Variants in GTF3C5 observed in about 807,000 individuals in gnomAD.
The protein encoded by GTF3C5 is general transcription factor IIIC subunit 5, also known as general transcription factor 3C polypeptide 5.
GTF3C5 carries 47 observed loss-of-function variants against 61.0 expected under a neutral mutation model. That is an observed-to-expected ratio of 0.77 (90% CI 0.61 to 0.98). The LOEUF (loss-of-function observed/expected upper bound fraction) is 0.98, where lower values mean the gene tolerates loss of function less well. GTF3C5 is among the 50% of genes least tolerant of loss of function. GTF3C5 has a pLI of 0.00. For synonymous variants in GTF3C5, 295 were observed against 275.4 expected (o/e 1.07, Z -0.71); for missense variants, 659 against 703.3 (o/e 0.94, Z 0.71).
chr9:133,057,747 G>A (rs1289107465), intron 10 of GTF3C5, 67 bp from the exon 11 acceptor site: 1 of 1,455,552 alleles, frequency 6.9e-7, no homozygotes, highest in Non-Finnish European at 9.2e-7. Flanking sequence ...CCAGAGCCTG[G>A]TGGCCTTTCT....
chr9:133,040,978 A>T (rs1387437918), intron 1 of GTF3C5, among the ~76,000 whole-genome samples: 52 of 152,248 alleles, frequency 3.4e-4, no homozygotes, highest in African/African-American at 2.4e-5. Context: ...ATCATAACCT[A>T]AGAAAAACCA....
intron 1 of GTF3C5, among the ~76,000 whole-genome samples, chr9:133,037,387 C>T (rs1049195925): frequency 2.0e-5 from 3 of 152,118 alleles, no homozygotes; most frequent in African/African-American, 4.8e-5. Flanking sequence ...GATAAGGGGA[C>T]ACACCGGGTT....
intron 1 of GTF3C5, among the ~76,000 whole-genome samples, chr9:133,031,507 A>G (rs1849731377): frequency 6.6e-6 from 1 of 151,984 alleles, no homozygotes; most frequent in African/African-American, 2.4e-5. Flanking sequence ...GCATGCCACC[A>G]CGCCCGGCTA....
At chr9:133,057,664 G>T (rs867973550) in intron 10 of GTF3C5, 150 bp from the exon 11 acceptor site, 2 of 635,744 alleles carry the variant, frequency 3.1e-6, no homozygotes, top group Non-Finnish European at 5.2e-6. Flanking sequence ...TCCCTGGGGG[G>T]CCTCCACCCC....
At chr9:133,050,670 G>T (rs946611471) in intron 3 of GTF3C5, 113 bp from the exon 4 acceptor site, 3 of 713,562 alleles carry the variant, frequency 4.2e-6, no homozygotes, top group Non-Finnish European at 4.8e-6. Context: ...CCAGAGAGAG[G>T]CACACGGTGG....
intron 2 of GTF3C5, 93 bp from the exon 3 acceptor site, chr9:133,043,635 C>A: frequency 9.8e-7 from 1 of 1,021,960 alleles, no homozygotes; most frequent in Non-Finnish European, 1.5e-6. Context: ...ACATGGCCCA[C>A]TCAGCACCTC....
chr9:133,054,368 C>G, intron 6 of GTF3C5, 40 bp from the exon 7 acceptor site: 2 of 1,547,646 alleles, frequency 1.3e-6, no homozygotes, highest in South Asian at 1.1e-5. Flanking sequence ...GCCGACGGGC[C>G]CTGTGCCCGC....
At chr9:133,057,502 C>G (rs563039015) in intron 10 of GTF3C5, among the ~76,000 whole-genome samples, 1 of 152,318 alleles carries the variant, frequency 6.6e-6, no homozygotes, top group South Asian at 2.1e-4. Context: ...TTGCTTGGAA[C>G]CCAGATTCAG....
intron 1 of GTF3C5, among the ~76,000 whole-genome samples, chr9:133,032,308 C>G (rs371610671): frequency 6.6e-6 from 1 of 152,306 alleles, no homozygotes; most frequent in East Asian, 1.9e-4. Context: ...ACCACACAAT[C>G]TAAGCTAATC....
At chr9:133,052,475 C>T (rs925490726) in intron 5 of GTF3C5, among the ~76,000 whole-genome samples, 5 of 151,398 alleles carry the variant, frequency 3.3e-5, no homozygotes, top group African/African-American at 1.2e-4. Flanking sequence ...GTTTCAGCTC[C>T]CTGAGTCCAG....
At chr9:133,057,388 T>TA (rs1829967796) in intron 10 of GTF3C5, among the ~76,000 whole-genome samples, 2 of 152,010 alleles carry the variant, frequency 1.3e-5, no homozygotes, top group African/African-American at 4.8e-5. Context: ...TCGGGGGAGT[T>TA]ATAAGAGGCC....
At position 133,054,716 on chromosome 9, in the gene GTF3C5, C is replaced by T. The variant is rs1304503032; in HGVS notation, c.1074C>T (p.Ser358=). ...ACTGCTGTTGTCCCCACGCAGCCAGCCAGCTTGTCACCATGCATGACCTGA... is the reference window on the plus strand; with the variant it reads ...ACTGCTGTTGTCCCCACGCAGCCAGTCAGCTTGTCACCATGCATGACCTGA... ...SLPITVKKTS[S]QLVTMHDLKQ... is the part of the protein sequence containing the mutation. Residue 358 remains serine, a synonymous_variant, in exon 8 of 11, where the codon AGC becomes AGT. Coordinates refer to ENST00000372097, the MANE Select transcript of GTF3C5 (RefSeq NM_012087.4). The T allele has an allele frequency of 6.4e-7, 1 of 1,568,082 alleles. No homozygotes were observed. Among genetic ancestry groups the T allele is most frequent in the Non-Finnish European group, 8.6e-7 (1 of 1,156,248 alleles).
At chr9:133,032,752 A>G (rs1028759517) in intron 1 of GTF3C5, among the ~76,000 whole-genome samples, 10 of 152,206 alleles carry the variant, frequency 6.6e-5, no homozygotes, top group African/African-American at 9.7e-5. Context: ...GTTTATTACA[A>G]TGGCAAGGGA....
intron 5 of GTF3C5, 71 bp from the exon 6 acceptor site, chr9:133,053,757 T>TGTA (rs1829831890): frequency 1.1e-6 from 1 of 943,618 alleles, no homozygotes; most frequent in Admixed American, 2.3e-5. Context: ...GCTGCCTCAC[T>TGTA]GTAGGCTCTG....
Position 133,057,890 on chromosome 9 carries a change from T to G in GTF3C5, c.1470T>G (p.Asp490Glu), listed in dbSNP as rs912954762. ...LTYESGEDEE[D>E]EEEEEEEEED... ...ACGAGTCTGGGGAAGACGAGGAGGA[T>G]GAGGAGGAGGAGGAAGAGGAGGAGG... The change falls in exon 11 of 11, where the codon GAT (aspartate) becomes GAG (glutamate). Residue 490 changes from aspartate to glutamate, a missense_variant. Transcript: ENST00000372097. 37 of 1,612,428 alleles carry G rather than the reference T, an allele frequency of 2.3e-5. No homozygotes were observed. The Admixed American group carries it at 2.7e-4, about 12-fold the overall frequency.
In GTF3C5 at chr9:133,055,992, C is replaced by G. The variant is rs1829925340; in HGVS notation, c.1168-20C>G. On this transcript the variant is annotated intron_variant, in intron 8 of 10. Transcript: ENST00000372097. ...GGGCTCTGGCTCACCTTCCCTGTCT[C>G]TCTCCCCCTTTGTCACCAGGACTCT... The G allele has an allele frequency of 6.2e-7, 1 of 1,613,884 alleles. No individual in the cohort carries two copies. Among genetic ancestry groups the G allele is most frequent in the East Asian group, 2.2e-5 (1 of 44,878 alleles).
rs1384445219 is a variant in GTF3C5, at chr9:133,042,167, C to T, written c.234C>T (p.Arg78=). The T allele has an allele frequency of 1.2e-6, 2 of 1,614,152 alleles. No homozygotes were observed. The highest frequency in any genetic ancestry group is 1.7e-6 in the Non-Finnish European group (2 of 1,179,986). The change falls in exon 2 of 11, where the codon CGC becomes CGT. Residue 78 remains arginine, a synonymous_variant. Coordinates refer to ENST00000372097, the MANE Select transcript of GTF3C5 (RefSeq NM_012087.4). ...DPYCHPVCAN[R]FSTSSLLLRI... ...ACTGCCACCCAGTGTGCGCCAACCG[C>T]TTCAGTACCAGCAGCCTGCTGCTCC...
chr9:133,044,898 AC>A (rs1554729539), intron 3 of GTF3C5, among the ~76,000 whole-genome samples: 1 of 101,784 alleles, frequency 9.8e-6, no homozygotes, highest in Non-Finnish European at 2.0e-5. Context: ...ACCCACCGCC[AC>A]CCCCTGCCAC....
At chr9:133,056,151 A>G in intron 9 of GTF3C5, 57 bp downstream of exon 9, 2 of 1,453,258 alleles carry the variant, frequency 1.4e-6, no homozygotes, top group Non-Finnish European at 1.9e-6. Context: ...CCAGGGACCA[A>G]AGCGGTCTCT....
Sources: allele counts gnomAD v4.1 joint callset (sites outside exome capture counted in the v4.1 genomes callset), GRCh38; gene constraint gnomAD v4.1.1; transcripts MANE v1.5; gene names NCBI Gene and HGNC (gene_info 2026-07-23, HGNC 2026-07-21).